GPC3: variants seen among roughly 807,000 people sequenced by gnomAD.
GPC3 encodes the protein glypican 3.
A neutral mutation model predicts 34.4 loss-of-function variants in GPC3; 3 were observed. The observed-to-expected ratio is 0.09, with a 90% CI of 0.04 to 0.23. The LOEUF is 0.23. Among genes scored for constraint, GPC3 ranks in the 10% least tolerant of loss-of-function variants. The probability of loss-of-function intolerance (pLI) is 1.00; values close to 1 mark genes in which losing one functional copy is unlikely to be tolerated. For missense variants in GPC3, 351 were observed against 445.6 expected, an observed-to-expected ratio of 0.79 and a Z score of 1.91; for synonymous variants, 177 against 174.0, an observed-to-expected ratio of 1.02 and a Z score of -0.13.
At chrX:133,912,556 A>G (rs2076205747) in intron 2 of GPC3, among the ~76,000 whole-genome samples, 1 of 104,700 alleles carries the variant, frequency 9.6e-6, no homozygotes, top group African/African-American at 3.5e-5. Context: ...GTGTTATTCC[A>G]AAGCAATTGC....
intron 3 of GPC3, among the ~76,000 whole-genome samples, chrX:133,705,313 A>G (rs2071205145): frequency 9.2e-6 from 1 of 109,195 alleles, no homozygotes. Context: ...TAATCCTCCC[A>G]CTTAAGCCTC....
At chrX:133,833,705 T>C (rs2075787328) in intron 2 of GPC3, among the ~76,000 whole-genome samples, 1 of 112,594 alleles carries the variant, frequency 8.9e-6, no homozygotes, top group South Asian at 3.7e-4. Flanking sequence ...GAATATGCAC[T>C]GACCGCCTAT....
At chrX:133,664,844 T>C (rs2070755931) in intron 5 of GPC3, among the ~76,000 whole-genome samples, 1 of 107,226 alleles carries the variant, frequency 9.3e-6, no homozygotes, top group African/African-American at 3.4e-5. Context: ...GGCGTGGTGG[T>C]GCACACCTTT....
At chrX:133,882,814 C>T (rs764468908) in intron 2 of GPC3, among the ~76,000 whole-genome samples, 1 of 111,556 alleles carries the variant, frequency 9.0e-6, no homozygotes, top group East Asian at 2.8e-4. Context: ...GCAGGAGGCA[C>T]GGTGGAGGAA....
At chrX:133,667,781 T>G (rs1263824695) in intron 5 of GPC3, among the ~76,000 whole-genome samples, 1 of 109,714 alleles carries the variant, frequency 9.1e-6, no homozygotes, top group Non-Finnish European at 1.9e-5. Flanking sequence ...CACTTAAGCC[T>G]GGGAGGTGGG....
chrX:133,952,657 C>G (rs1409634820), intron 2 of GPC3, among the ~76,000 whole-genome samples: 2 of 112,417 alleles, frequency 1.8e-5, no homozygotes, highest in African/African-American at 3.2e-5. Flanking sequence ...GGAAATGGTC[C>G]TAGTGGTCAG....
chrX:133,664,282 C>A (rs1257374089), intron 5 of GPC3, among the ~76,000 whole-genome samples: 1 of 112,094 alleles, frequency 8.9e-6, no homozygotes, highest in Non-Finnish European at 1.9e-5. Context: ...ATAGTACCAC[C>A]AAAGCAGCTT....
intron 2 of GPC3, among the ~76,000 whole-genome samples, chrX:133,929,343 T>C (rs1197516891): frequency 8.9e-6 from 1 of 111,984 alleles, no homozygotes; most frequent in Non-Finnish European, 1.9e-5. Flanking sequence ...GTTTTTTCAT[T>C]AAGCATGTCT....
chrX:133,970,944 G>A (rs2076489934), intron 1 of GPC3, among the ~76,000 whole-genome samples: 1 of 111,652 alleles, frequency 9.0e-6, no homozygotes, highest in Admixed American at 9.5e-5. Flanking sequence ...TCTCTAACCT[G>A]CAGTCAAAAT....
At chrX:133,857,059 G>GT (rs72340514) in intron 2 of GPC3, among the ~76,000 whole-genome samples, 31,072 of 110,154 alleles carry the variant, frequency 0.28, 3,739 homozygotes, top group African/African-American at 0.44. Context: ...TAATGTTTCT[G>GT]TTAGATTATC....
chrX:133,717,066 T>TTCTTGTG (rs1307557815), intron 3 of GPC3, among the ~76,000 whole-genome samples: 2 of 110,421 alleles, frequency 1.8e-5, no homozygotes, highest in Non-Finnish European at 3.8e-5. Context: ...GTTCAAGCAA[T>TTCTTGTG]TCTTGTGCCT....
At chrX:133,830,143 C>T (rs2075767921) in intron 2 of GPC3, among the ~76,000 whole-genome samples, 1 of 111,472 alleles carries the variant, frequency 9.0e-6, no homozygotes. Flanking sequence ...AGCTCCAGTA[C>T]TGTAAAGATT....
chrX:133,760,547 C>T (rs2071777268), intron 2 of GPC3, among the ~76,000 whole-genome samples: 1 of 111,413 alleles, frequency 9.0e-6, no homozygotes, highest in Admixed American at 9.6e-5. Flanking sequence ...CTATATGATT[C>T]CAACCATATG....
chrX:133,763,000 G>T, intron 2 of GPC3: 1 of 738,723 alleles, frequency 1.4e-6, no homozygotes, highest in Non-Finnish European at 2.1e-6. Context: ...TGTTGCCATT[G>T]AAAACCCTGC....
chrX:133,841,845 T>C (rs5977921), intron 2 of GPC3, among the ~76,000 whole-genome samples: 8,888 of 111,377 alleles, frequency 0.08, 597 homozygotes, highest in African/African-American at 0.21. Context: ...GGCAGAGAAA[T>C]GTGAAAAGAG....
chrX:133,648,603 G>A (rs1244333105), intron 6 of GPC3, among the ~76,000 whole-genome samples: 2 of 111,621 alleles, frequency 1.8e-5, no homozygotes, highest in Non-Finnish European at 3.8e-5. Flanking sequence ...CCCTTCATGG[G>A]CTCTGCACTG....
At chrX:133,638,131 A>G (rs2070446645) in intron 6 of GPC3, among the ~76,000 whole-genome samples, 1 of 111,638 alleles carries the variant, frequency 9.0e-6, no homozygotes, top group Admixed American at 9.5e-5. Flanking sequence ...ATGGGTCAGA[A>G]AAACTTCCCT....
chrX:133,776,378 G>T (rs762358551), intron 2 of GPC3, among the ~76,000 whole-genome samples: 16 of 110,678 alleles, frequency 1.4e-4, no homozygotes, highest in Non-Finnish European at 2.8e-4. Flanking sequence ...TCTCGTCTAC[G>T]CATAGATCCA....
At chrX:133,754,430 T>C (rs2071707883) in intron 2 of GPC3, among the ~76,000 whole-genome samples, 1 of 112,173 alleles carries the variant, frequency 8.9e-6, no homozygotes, top group Non-Finnish European at 1.9e-5. Context: ...ACAAATTATA[T>C]TTCAAATGAC....
Sources: gnomAD v4.1 joint callset for allele counts (sites outside exome capture counted in the v4.1 genomes callset) on GRCh38, gnomAD v4.1.1 for gene constraint, MANE v1.5 for transcripts, NCBI Gene and HGNC (gene_info 2026-07-23, HGNC 2026-07-21) for gene names.